The following LRP1B variants were observed in gnomAD, a reference collection of about 807,000 sequenced individuals.
LRP1B encodes the protein low-density lipoprotein receptor-related protein 1B.
Under a neutral mutation model 556.6 loss-of-function variants are expected in LRP1B, and 217 were observed. The ratio of observed to expected loss-of-function variants is 0.39; its 90% confidence interval spans 0.35 to 0.44. The LOEUF is 0.44. Ranked by LOEUF, LRP1B falls within the 20% of genes least tolerant of loss-of-function variation. The pLI is 1.00. For synonymous variants in LRP1B, 2,047 were observed against 1,865.8 expected (o/e 1.10, Z -2.50); for missense variants, 5,053 against 5,620.8 (o/e 0.90, Z 3.23).
At chr2:142,068,828 G>A (rs1254661538) in intron 1 of LRP1B, among the ~76,000 whole-genome samples, 2 of 151,290 alleles carry the variant, frequency 1.3e-5, no homozygotes, top group Non-Finnish European at 3.0e-5. Context: ...TTAGTGGTCG[G>A]CTAATGGTAA....
At chr2:140,699,749 C>T (rs1053945036) in intron 41 of LRP1B, among the ~76,000 whole-genome samples, 21 of 148,426 alleles carry the variant, frequency 1.4e-4, no homozygotes, top group African/African-American at 5.1e-4. Flanking sequence ...ATTTCCATAA[C>T]ATTTTCTCAT....
chr2:140,393,843 G>A (rs1269598151), intron 66 of LRP1B, among the ~76,000 whole-genome samples: 1 of 152,060 alleles, frequency 6.6e-6, no homozygotes, highest in Non-Finnish European at 1.5e-5. Flanking sequence ...ATCTTCTCTT[G>A]GGAGGCAGAT....
At chr2:140,528,592 G>T (rs1262782522) in intron 47 of LRP1B, among the ~76,000 whole-genome samples, 1 of 151,840 alleles carries the variant, frequency 6.6e-6, no homozygotes, top group Non-Finnish European at 1.5e-5. Context: ...AGTAGGAACA[G>T]ATTGTCCCTT....
intron 46 of LRP1B, among the ~76,000 whole-genome samples, chr2:140,535,009 G>A (rs1406712710): frequency 6.6e-6 from 1 of 152,126 alleles, no homozygotes; most frequent in Non-Finnish European, 1.5e-5. Flanking sequence ...ACCTGGCATT[G>A]GCAAACTATT....
intron 3 of LRP1B, among the ~76,000 whole-genome samples, chr2:141,411,082 CTT>C (rs1690834008): frequency 2.0e-5 from 3 of 151,894 alleles, no homozygotes; most frequent in South Asian, 4.1e-4. Context: ...AGAAGATGGA[CTT>C]ATTTTAATAC....
At chr2:140,896,074 A>G (rs2105211054) in intron 23 of LRP1B, among the ~76,000 whole-genome samples, 1 of 152,128 alleles carries the variant, frequency 6.6e-6, no homozygotes, top group South Asian at 2.1e-4. Context: ...TATCTGTTCT[A>G]CCCAGTATTT....
At chr2:141,280,952 A>G (rs565478573) in intron 3 of LRP1B, among the ~76,000 whole-genome samples, 1 of 151,964 alleles carries the variant, frequency 6.6e-6, no homozygotes, top group South Asian at 2.1e-4. Context: ...ATTGATTTAT[A>G]TTTTCATAAA....
chr2:141,666,777 T>C (rs902379119), intron 2 of LRP1B, among the ~76,000 whole-genome samples: 1 of 152,196 alleles, frequency 6.6e-6, no homozygotes, highest in Non-Finnish European at 1.5e-5. Context: ...CTAGCTGTTA[T>C]GTATACGTCT....
intron 3 of LRP1B, among the ~76,000 whole-genome samples, chr2:141,413,957 G>A (rs905696112): frequency 2.6e-5 from 4 of 151,874 alleles, no homozygotes; most frequent in Non-Finnish European, 5.9e-5. Flanking sequence ...GAGGCTGGGC[G>A]CAGTGGCTCA....
chr2:141,291,532 T>C (rs1223033917), intron 3 of LRP1B, among the ~76,000 whole-genome samples: 1 of 152,146 alleles, frequency 6.6e-6, no homozygotes, highest in Non-Finnish European at 1.5e-5. Flanking sequence ...TATTTGAAGA[T>C]ACCATCTATT....
At chr2:141,404,882 AAT>A (rs1034158720) in intron 3 of LRP1B, among the ~76,000 whole-genome samples, 13 of 152,012 alleles carry the variant, frequency 8.6e-5, no homozygotes, top group African/African-American at 2.9e-4. Flanking sequence ...TAAAATAGAG[AAT>A]ATGTTTTTTT....
intron 41 of LRP1B, among the ~76,000 whole-genome samples, chr2:140,636,472 T>C (rs986551557): frequency 2.0e-5 from 3 of 152,166 alleles, no homozygotes; most frequent in African/African-American, 7.2e-5. Flanking sequence ...AGAAAATGTA[T>C]TCCTGCATTT....
At chr2:141,085,774 C>T (rs1399368970) in intron 7 of LRP1B, among the ~76,000 whole-genome samples, 3 of 152,182 alleles carry the variant, frequency 2.0e-5, no homozygotes, top group Admixed American at 2.0e-4. Context: ...ACAGTCTATG[C>T]TCAAATTTGT....
intron 6 of LRP1B, among the ~76,000 whole-genome samples, chr2:141,208,818 G>C (rs1682403424): frequency 7.4e-6 from 1 of 134,240 alleles, no homozygotes. Flanking sequence ...ACAGTGAGCT[G>C]AGATCACGCC....
intron 41 of LRP1B, among the ~76,000 whole-genome samples, chr2:140,608,652 A>T (rs13025902): frequency 0.16 from 24,061 of 152,182 alleles, 2,205 homozygotes; most frequent in African/African-American, 0.24. Flanking sequence ...TTCCTGAACC[A>T]GAGCATCTCA....
intron 23 of LRP1B, among the ~76,000 whole-genome samples, chr2:140,892,911 C>T (rs1693841554): frequency 1.3e-5 from 2 of 151,964 alleles, no homozygotes; most frequent in South Asian, 4.2e-4. Flanking sequence ...TGTATAATAC[C>T]AATTACATAA....
chr2:141,485,155 C>A (rs1012707435), intron 2 of LRP1B, among the ~76,000 whole-genome samples: 1 of 152,068 alleles, frequency 6.6e-6, no homozygotes, highest in Admixed American at 6.6e-5. Context: ...TCTGGGAGAA[C>A]TAAAGAGTTA....
At chr2:141,936,224 A>G (rs1018867895) in intron 1 of LRP1B, among the ~76,000 whole-genome samples, 19 of 152,206 alleles carry the variant, frequency 1.2e-4, no homozygotes, top group Non-Finnish European at 2.4e-4. Context: ...ACCTAGCACC[A>G]TAAAGCAAAA....
intron 20 of LRP1B, among the ~76,000 whole-genome samples, chr2:140,925,962 T>C (rs1434581614): frequency 6.6e-6 from 1 of 152,140 alleles, no homozygotes; most frequent in Non-Finnish European, 1.5e-5. Flanking sequence ...TTTATTTGTG[T>C]TTCATAAGTG....
Sources: gnomAD v4.1 joint callset for allele counts (sites outside exome capture counted in the v4.1 genomes callset) on GRCh38, gnomAD v4.1.1 for gene constraint, MANE v1.5 for transcripts, NCBI Gene and HGNC (gene_info 2026-07-23, HGNC 2026-07-21) for gene names.